SRCAP: variants seen among roughly 807,000 people sequenced by gnomAD.
The protein encoded by SRCAP is Snf2 related CREBBP activator protein.
A neutral mutation model predicts 263.1 loss-of-function variants in SRCAP; 46 were observed. The ratio of observed to expected loss-of-function variants is 0.17; its 90% CI spans 0.14 to 0.22. The LOEUF is 0.22. SRCAP is among the 10% of genes least tolerant of loss of function. SRCAP has a pLI of 1.00. For missense variants in SRCAP, 3,695 were observed against 4,181.9 expected (o/e 0.88, Z 3.21); for synonymous variants, 1,813 against 1,662.1 (o/e 1.09, Z -2.21).
At position 30,740,956 on chromosome 16, in the gene SRCAP, A is replaced by C. The variant is rs1040808191; in HGVS notation, c.*1223A>C. On this transcript the variant is annotated 3_prime_UTR_variant, in exon 34 of 34. Transcript: ENST00000262518. ...GGTTGTAGGGGAATGGTTGGAGATA[A>C]GGGTAGAAAGGTGGTTTGATGCCAG... 5 of 152,188 alleles carry C rather than the reference A, an allele frequency of 3.3e-5. No individual in the cohort carries two copies. The highest frequency in any genetic ancestry group is 1.2e-4 in the African/African-American group (5 of 41,430). 9.4% of individuals were successfully genotyped at this position (152,188 alleles called of 1,614,324 possible). A position where few individuals can be genotyped will look rare whatever the true frequency, so the allele number is the denominator to read the frequency against.
Position 30,724,506 on chromosome 16 carries a change from A to G in SRCAP, c.5082A>G (p.Ser1694=), listed in dbSNP as rs757962676. The stretch of plus-strand genomic sequence containing the variant: ...CTTTAGCACCCACTCTTGGAGGCTC[A>G]TCTCCATCTCAGACACTCTCTTTGG... ...APALAPTLGG[S]SPSQTLSLGT... Residue 1694 remains serine, a synonymous_variant, in exon 25 of 34, where the codon TCA becomes TCG. Transcript: ENST00000262518. The G allele has an allele frequency of 6.2e-7, 1 of 1,614,100 alleles. No homozygotes were observed. The highest frequency in any genetic ancestry group is 1.1e-5 in the South Asian group (1 of 91,084).
chr16:30,725,952 A>G (rs953315033), intron 25 of SRCAP: 3 of 151,946 alleles, frequency 2.0e-5, no homozygotes, highest in Admixed American at 1.3e-4. Context: ...TTTTTAATAT[A>G]TTTATAGGGT....
chr16:30,730,871 T>C (rs1171466389), intron 27 of SRCAP, among the ~76,000 whole-genome samples: 3 of 152,094 alleles, frequency 2.0e-5, no homozygotes, highest in Non-Finnish European at 2.9e-5. Context: ...GGTTTCACCA[T>C]GTTGGCCAGG....
In SRCAP at chr16:30,738,331, TGCG is replaced by T. The variant is rs745558501; in HGVS notation, c.8303_8305del (p.Arg2768del). On this transcript the variant is annotated inframe_deletion, in exon 34 of 34. Transcript: ENST00000262518. ...ACTGTGGTAGAGGAAAAGGAACTGG[TGCG>T]GCGGCGGCGGCAGCAGCGGGGAGCT... 12 of 1,580,534 alleles carry T rather than the reference TGCG, an allele frequency of 7.6e-6. No individual in the cohort carries two copies. Among genetic ancestry groups the T allele is most frequent in the Admixed American group, 3.6e-5 (2 of 55,802 alleles).
At chr16:30,735,114 C>T (rs2053146471) in intron 31 of SRCAP, among the ~76,000 whole-genome samples, 1 of 149,088 alleles carries the variant, frequency 6.7e-6, no homozygotes, top group African/African-American at 2.5e-5. Context: ...TTTGAAACAG[C>T]GTTTCACATT....
chr16:30,710,648 T>C (rs1474082188), intron 8 of SRCAP, 106 bp from the exon 9 acceptor site: 9 of 1,146,184 alleles, frequency 7.9e-6, no homozygotes, highest in African/African-American at 1.5e-5. Flanking sequence ...GTGGCAACTG[T>C]CACTCAATGG....
intron 18 of SRCAP, among the ~76,000 whole-genome samples, chr16:30,718,454 G>A (rs1202720911): frequency 6.6e-6 from 1 of 151,878 alleles, no homozygotes; most frequent in Non-Finnish European, 1.5e-5. Flanking sequence ...TGGGATTACA[G>A]GTGTGAGCCA....
intron 18 of SRCAP, among the ~76,000 whole-genome samples, chr16:30,719,759 C>T (rs1422282129): frequency 2.6e-5 from 4 of 152,146 alleles, no homozygotes; most frequent in Non-Finnish European, 5.9e-5. Flanking sequence ...CACAGTTCCC[C>T]AATCTTGGCC....
rs370372174 is a variant in SRCAP at position 30,712,466 on chromosome 16, T to C, written c.1993+27T>C. On this transcript the variant is annotated intron_variant, in intron 13 of 33. Transcript: ENST00000262518. The stretch of plus-strand genomic sequence containing the variant: ...TAAGTAGGCAAGGCCCCTTCTTTTG[T>C]TCCCCCTAGTCTAGCTCCCTGGGAG... 7.8e-6 allele frequency: 12 copies of C among 1,547,708 alleles called. No individual in the cohort carries two copies. In the African/African-American group the frequency reaches 1.5e-4, roughly 20 times the overall value.
Position 30,711,638 on chromosome 16 carries a change from T to C in SRCAP, c.1386T>C (p.Ser462=). 2 of 1,613,738 alleles carry C rather than the reference T, an allele frequency of 1.2e-6. No individual in the cohort carries two copies. The part of the protein sequence containing the change: ...AGAYAPGSGS[S]EDEDEDEVDA... Reference sequence around the variant, plus strand: ...CCTATGCCCCAGGCTCTGGGAGCAGTGAAGATGAGGATGAAGATGAGGTTG... The same window carrying C: ...CCTATGCCCCAGGCTCTGGGAGCAGCGAAGATGAGGATGAAGATGAGGTTG... The change falls in exon 11 of 34, where the codon AGT becomes AGC. Residue 462 remains serine, a synonymous_variant. Transcript: ENST00000262518.
chr16:30,739,652 C>T lies in SRCAP; in HGVS notation c.9612C>T (p.Asp3204=). ...RRLVGTTNQG[D]QRILRSSAPP... ...TTGTTGGGACCACCAACCAAGGGGACCAGCGCATCCTGCGCAGCAGCGCCC... is the reference window on the plus strand; with the variant it reads ...TTGTTGGGACCACCAACCAAGGGGATCAGCGCATCCTGCGCAGCAGCGCCC... Residue 3204 remains aspartate, a synonymous_variant, in exon 34 of 34, where the codon GAC becomes GAT. Transcript: ENST00000262518. The T allele has an allele frequency of 6.3e-7, 1 of 1,587,570 alleles. No homozygotes were observed. The highest frequency in any genetic ancestry group is 8.6e-7 in the Non-Finnish European group (1 of 1,168,166).
In SRCAP at chr16:30,739,338, G is replaced by A. The variant is rs746679922; in HGVS notation, c.9298G>A (p.Gly3100Arg). ...GGATGACCTGGACTTAGCAGATAGCGGGCCAGGCGGGTTGGAATTGACACC... is the reference window on the plus strand; with the variant it reads ...GGATGACCTGGACTTAGCAGATAGCAGGCCAGGCGGGTTGGAATTGACACC... ...IQDDLDLADS[G>R]PGGLELTPPV... The change falls in exon 34 of 34, where the codon GGG becomes AGG. Residue 3100 changes from glycine to arginine, a missense_variant. Physicochemically the swap from Gly to Arg is moderately radical, Grantham distance 125. Around this residue, in one of 12 missense-constraint regions of SRCAP, gnomAD observed 1,207 missense variants for 1,142.9 expected, o/e 1.06. Transcript: ENST00000262518. The A allele has an allele frequency of 8.7e-6, 14 of 1,614,170 alleles. No individual in the cohort carries two copies. Among genetic ancestry groups the A allele is most frequent in the African/African-American group, 4.0e-5 (3 of 75,044 alleles).
intron 18 of SRCAP, among the ~76,000 whole-genome samples, chr16:30,718,699 G>A (rs537024626): frequency 2.1e-4 from 32 of 151,902 alleles, no homozygotes; most frequent in Non-Finnish European, 4.0e-4. Flanking sequence ...TCGAACGCCT[G>A]ACCTCAGATA....
Position 30,736,995 on chromosome 16 carries a change from C to G in SRCAP, c.7009-54C>G. The G allele has an allele frequency of 2.6e-6, 4 of 1,515,338 alleles. No individual in the cohort carries two copies. In the Admixed American group the frequency reaches 8.8e-5, roughly 33 times the overall value. The allele number at this position is 1,515,338 out of a possible 1,614,324, so 93.9% of individuals were successfully genotyped here. A position where few individuals can be genotyped will look rare whatever the true frequency, so the allele number is the denominator to read the frequency against. On this transcript the variant is annotated intron_variant, in intron 33 of 33. Coordinates refer to ENST00000262518, the MANE Select transcript of SRCAP (RefSeq NM_006662.3). ...GACCTGGAAGCTGCTAATTTCTACT[C>G]ACTCTCTACTCTGCTTGCCTCCTCC...
At chr16:30,722,467 T>C in intron 22 of SRCAP, 96 bp from the exon 23 acceptor site, 1 of 1,521,834 alleles carries the variant, frequency 6.6e-7, no homozygotes, top group Middle Eastern at 1.7e-4. Flanking sequence ...AGAGAATGTA[T>C]TCCCTCTCTG....
chr16:30,709,634 A>G lies in SRCAP; in HGVS notation c.755A>G (p.Asn252Ser), dbSNP rs754554712. 1 of 1,613,412 alleles carries G rather than the reference A, an allele frequency of 6.2e-7. No individual in the cohort carries two copies. Among genetic ancestry groups the G allele is most frequent in the African/African-American group, 1.3e-5 (1 of 74,894 alleles). ...TCGGACCTTCTGTCTCAGAGCCTCAACCAGCCATTAACCTCCAGCAAAGCA... is the reference window on the plus strand; with the variant it reads ...TCGGACCTTCTGTCTCAGAGCCTCAGCCAGCCATTAACCTCCAGCAAAGCA... ...KYSDLLSQSL[N>S]QPLTSSKAGS... is the part of the protein sequence containing the mutation. Residue 252 changes from asparagine (N) to serine (S), a missense_variant, in exon 7 of 34, where the codon AAC (asparagine) becomes AGC (serine). Coordinates refer to ENST00000262518, the MANE Select transcript of SRCAP (RefSeq NM_006662.3).
At position 30,739,646 on chromosome 16, in the gene SRCAP, A is replaced by C. The variant is rs763696957; in HGVS notation, c.9606A>C (p.Gln3202His). The change falls in exon 34 of 34, where the codon CAA becomes CAC. Residue 3202 changes from glutamine to histidine, a missense_variant. Around this residue, in one of 12 missense-constraint regions of SRCAP, gnomAD observed 1,207 missense variants for 1,142.9 expected, o/e 1.06. Coordinates refer to ENST00000262518, the MANE Select transcript of SRCAP (RefSeq NM_006662.3). ...GPRRLVGTTN[Q>H]GDQRILRSSA... ...GCCGGCTTGTTGGGACCACCAACCA[A>C]GGGGACCAGCGCATCCTGCGCAGCA... The C allele has an allele frequency of 6.3e-7, 1 of 1,590,446 alleles. No individual in the cohort carries two copies. The highest frequency in any genetic ancestry group is 8.6e-7 in the Non-Finnish European group (1 of 1,169,428).
At chr16:30,735,690 C>T (rs538111154) in intron 31 of SRCAP, among the ~76,000 whole-genome samples, 1 of 147,198 alleles carries the variant, frequency 6.8e-6, no homozygotes, top group South Asian at 2.2e-4. Flanking sequence ...AAGTGATTCT[C>T]CTGCCTCAGC....
rs1388722269 is a variant in SRCAP, at chr16:30,700,874, C to T, written c.50C>T (p.Thr17Ile). 6.2e-7 allele frequency: 1 copy of T among 1,614,042 alleles called. No individual in the cohort carries two copies. The change falls in exon 3 of 34, where the codon ACA becomes ATA. Residue 17 changes from threonine (T) to isoleucine (I), a missense_variant. Transcript: ENST00000262518. ...CACCCTCAGCTCCCAGTCCTACAGA[C>T]ACAGGTTTGAAAGTGGGAAGAGTTC... ...PAHPQLPVLQ[T>I]QMVSDGMTGS...
Sources: gnomAD v4.1 joint callset for allele counts (sites outside exome capture counted in the v4.1 genomes callset) on GRCh38, gnomAD v4.1.1 for gene constraint, gnomAD v4.1.1 regional missense constraint, MANE v1.5 for transcripts, NCBI Gene and HGNC (gene_info 2026-07-23, HGNC 2026-07-21) for gene names.